Variants in ULK2 observed in about 807,000 individuals in gnomAD.
ULK2 encodes unc-51 like autophagy activating kinase 2.
ULK2 carries 76 observed loss-of-function variants against 127.5 expected under a neutral mutation model. The ratio of observed to expected loss-of-function variants is 0.60; its 90% CI spans 0.50 to 0.72. ULK2 has a LOEUF of 0.72. ULK2 is among the 30% of genes least tolerant of loss of function. ULK2 has a pLI of 0.00. For missense variants in ULK2, 1,144 were observed against 1,295.9 expected (o/e 0.88, Z 1.80); for synonymous variants, 452 against 461.9 (o/e 0.98, Z 0.28).
Position 19,780,561 on chromosome 17 carries a change from T to G in ULK2, c.2827A>C (p.Asn943His). The G allele has an allele frequency of 6.2e-7, 1 of 1,614,018 alleles. No homozygotes were observed. The highest frequency in any genetic ancestry group is 8.5e-7 in the Non-Finnish European group (1 of 1,179,964). The change falls in exon 25 of 27, where the codon AAT becomes CAT. Residue 943 changes from asparagine (N) to histidine (H), a missense_variant. By Grantham distance (68) the Asn-to-His change is moderately conservative. Transcript: ENST00000395544. ...CTCTGTTTGTCAGAGAAGAATCGAT[T>G]CAGCTTTTCTGTAAGTTTCTTGCAC... ...TMCKKLTEKL[N>H]RFFSDKQRFI... is the part of the protein sequence containing the mutation.
chr17:19,790,206 C>T (rs889674559), intron 20 of ULK2, among the ~76,000 whole-genome samples: 1 of 152,120 alleles, frequency 6.6e-6, no homozygotes, highest in Non-Finnish European at 1.5e-5. Context: ...CACCTGAGGA[C>T]AGGAGTTCGA....
At chr17:19,850,554 C>T (rs539445941) in intron 3 of ULK2, among the ~76,000 whole-genome samples, 10 of 152,162 alleles carry the variant, frequency 6.6e-5, no homozygotes, top group South Asian at 2.1e-4. Flanking sequence ...TGGCCAGGCG[C>T]GGTGGCTCAC....
chr17:19,808,877 A>C (rs182505762), intron 14 of ULK2, among the ~76,000 whole-genome samples: 49 of 152,354 alleles, frequency 3.2e-4, no homozygotes, highest in African/African-American at 1.1e-3. Context: ...TTCCTGAAAA[A>C]AGTAAACACA....
chr17:19,826,800 A>G (rs2041307889), intron 10 of ULK2, among the ~76,000 whole-genome samples: 1 of 152,104 alleles, frequency 6.6e-6, no homozygotes, highest in African/African-American at 2.4e-5. Context: ...TACTAAAGAT[A>G]CAAAAAATTA....
intron 10 of ULK2, among the ~76,000 whole-genome samples, chr17:19,830,901 G>T (rs1317169611): frequency 6.6e-6 from 1 of 151,814 alleles, no homozygotes; most frequent in Non-Finnish European, 1.5e-5. Flanking sequence ...GTGGCACGCA[G>T]CTGTAATTCC....
intron 10 of ULK2, among the ~76,000 whole-genome samples, chr17:19,832,319 G>A (rs922074547): frequency 6.6e-6 from 1 of 150,954 alleles, no homozygotes; most frequent in Admixed American, 6.6e-5. Context: ...CCCAGGCTGG[G>A]TGCAGTGGCA....
At chr17:19,797,745 A>G (rs1486578495) in intron 17 of ULK2, 63 bp from the exon 18 acceptor site, 1 of 1,337,838 alleles carries the variant, frequency 7.5e-7, no homozygotes, top group Non-Finnish European at 9.8e-7. Flanking sequence ...AAATGTAAAA[A>G]TTAAGAAGAC....
intron 12 of ULK2, among the ~76,000 whole-genome samples, chr17:19,822,565 G>A (rs2041178566): frequency 6.7e-6 from 1 of 150,130 alleles, no homozygotes; most frequent in Non-Finnish European, 1.5e-5. Context: ...ACAGGGTTTT[G>A]GCATGTTGGC....
At chr17:19,853,529 C>G (rs900180665) in intron 3 of ULK2, among the ~76,000 whole-genome samples, 13 of 151,880 alleles carry the variant, frequency 8.6e-5, no homozygotes, top group African/African-American at 3.1e-4. Flanking sequence ...TGGTTTATCT[C>G]ACAGGAAAAG....
At chr17:19,777,802 C>G in intron 25 of ULK2, 86 bp from the exon 26 acceptor site, 1 of 1,470,890 alleles carries the variant, frequency 6.8e-7, no homozygotes, top group East Asian at 2.4e-5. Context: ...TAAATGGAAT[C>G]CACCTAAAAT....
At chr17:19,812,465 A>AT (rs1298601615) in intron 13 of ULK2, among the ~76,000 whole-genome samples, 1 of 152,192 alleles carries the variant, frequency 6.6e-6, no homozygotes, top group Non-Finnish European at 1.5e-5. Context: ...AACCTACCGA[A>AT]TATCATGGCT....
chr17:19,807,946 A>C (rs1222557359), intron 14 of ULK2, among the ~76,000 whole-genome samples: 2 of 152,094 alleles, frequency 1.3e-5, no homozygotes, highest in Non-Finnish European at 2.9e-5. Flanking sequence ...CTCTACTAAA[A>C]ATACAAAAAA....
At chr17:19,805,666 C>T (rs1021894536) in intron 14 of ULK2, among the ~76,000 whole-genome samples, 1 of 152,110 alleles carries the variant, frequency 6.6e-6, no homozygotes. Context: ...AACCATATGT[C>T]TTTCTTGGTC....
At chr17:19,799,170 A>T (rs1441719723) in intron 17 of ULK2, among the ~76,000 whole-genome samples, 1 of 151,994 alleles carries the variant, frequency 6.6e-6, no homozygotes, top group East Asian at 1.9e-4. Context: ...CAAAAAAAAA[A>T]AAAAAAAGTA....
rs139850741 is a variant in ULK2, at chr17:19,814,967, G to C, written c.1096+1782C>G. On this transcript the variant is annotated intron_variant, in intron 13 of 26. Coordinates refer to ENST00000395544, the MANE Select transcript of ULK2 (RefSeq NM_014683.4). ...GTATTGGAATGAATTTTGAATTTTA[G>C]AACATTCACATTATACTGAGCATTC... Among the ~76,000 whole-genome samples, 671 of 152,168 alleles carry C rather than the reference G, an allele frequency of 4.4e-3. 3 individuals are homozygous for C. Among genetic ancestry groups the C allele is most frequent in the Middle Eastern group, 0.01 (3 of 294 alleles).
chr17:19,855,282 T>C (rs1184854413), intron 3 of ULK2, among the ~76,000 whole-genome samples: 1 of 151,398 alleles, frequency 6.6e-6, no homozygotes, highest in African/African-American at 2.4e-5. Flanking sequence ...CGGGCGCCTG[T>C]AGTCCCAGCT....
intron 3 of ULK2, among the ~76,000 whole-genome samples, chr17:19,853,326 C>T (rs561200863): frequency 6.6e-6 from 1 of 151,372 alleles, no homozygotes. Flanking sequence ...TTTCTAGAGA[C>T]GGGGTTTTGC....
rs1043199584 is a variant in ULK2 at position 19,774,744 on chromosome 17, G to A, written c.*1605C>T. ...TTAATATGTACCCAGCTACACCCTA[G>A]AAACACTTTGTCAGTTTTATTTTAC... On this transcript the variant is annotated 3_prime_UTR_variant, in exon 27 of 27. Transcript: ENST00000395544. 1 of 152,470 alleles carries A rather than the reference G, an allele frequency of 6.6e-6. No individual in the cohort carries two copies. The highest frequency in any genetic ancestry group is 6.6e-5 in the Admixed American group (1 of 15,262). The allele number at this position is 152,470 out of a possible 1,614,324, so 9.4% of individuals were successfully genotyped here.
chr17:19,814,665 G>T (rs938097236), intron 13 of ULK2, among the ~76,000 whole-genome samples: 4 of 151,548 alleles, frequency 2.6e-5, no homozygotes, highest in Admixed American at 6.6e-5. Context: ...TCCCACTTCA[G>T]CCCCCAGAGA....
Sources: gnomAD v4.1 joint callset for allele counts (sites outside exome capture counted in the v4.1 genomes callset) on GRCh38, gnomAD v4.1.1 for gene constraint, MANE v1.5 for transcripts, NCBI Gene and HGNC (gene_info 2026-07-23, HGNC 2026-07-21) for gene names.